The following CELF2 variants were observed in gnomAD, a reference collection of about 807,000 sequenced individuals.
CELF2 encodes the protein CUGBP Elav-like family member 2, also known as CUG triplet repeat RNA-binding protein 2.
A neutral mutation model predicts 62.6 loss-of-function variants in CELF2; 8 were observed. The ratio of observed to expected loss-of-function variants is 0.13; its 90% CI spans 0.07 to 0.23. The LOEUF is 0.23. Among genes scored for constraint, CELF2 ranks in the 10% least tolerant of loss-of-function variants. The pLI is 1.00. For missense variants in CELF2, 333 were observed against 671.0 expected (o/e 0.50, Z 5.56); for synonymous variants, 258 against 250.0 (o/e 1.03, Z -0.30).
At position 11,115,106 on chromosome 10, in the gene CELF2, A is replaced by C. The variant is rs930305622; in HGVS notation, c.75-50380A>C. ...AATGTGTGGGGATCTACTTGTTGCA[A>C]ATGGTCCAGGATGCAGATTAATATG... On this transcript the variant is annotated intron_variant, in intron 1 of 12. Transcript: ENST00000633077. Among the ~76,000 whole-genome samples the C allele has an allele frequency of 1.6e-4, 24 of 152,246 alleles. 1 individual carries two copies. Among genetic ancestry groups the C allele is most frequent in the South Asian group, 1.0e-3 (5 of 4,836 alleles).
chr10:11,114,024 A>G (rs577743668), intron 1 of CELF2, among the ~76,000 whole-genome samples: 45 of 152,186 alleles, frequency 3.0e-4, no homozygotes, highest in Admixed American at 6.5e-4. Flanking sequence ...TAAAGTAGTA[A>G]TTGGGCAAAA....
chr10:10,661,016 AT>A, the CELF2 span, among the ~76,000 whole-genome samples: 7 of 151,726 alleles, frequency 4.6e-5, no homozygotes, highest in East Asian at 1.9e-4. Context: ...TCAGAAAAAG[AT>A]TTTTTTTTAC....
intron 1 of CELF2, among the ~76,000 whole-genome samples, chr10:11,129,361 A>C (rs1035594161): frequency 2.0e-5 from 3 of 152,156 alleles, no homozygotes; most frequent in African/African-American, 7.2e-5. Flanking sequence ...TGTCTCTGCC[A>C]GGCTTTGGTA....
the CELF2 span, among the ~76,000 whole-genome samples, chr10:10,520,987 G>A: frequency 6.6e-6 from 1 of 152,124 alleles, no homozygotes. Context: ...ACAGTGCTAT[G>A]GTAACCAAAC....
intron 1 of CELF2, among the ~76,000 whole-genome samples, chr10:11,112,254 A>G (rs1416690488): frequency 3.3e-5 from 5 of 152,180 alleles, no homozygotes; most frequent in African/African-American, 1.2e-4. Context: ...CCACCTTGGG[A>G]ATAATGAGCT....
At chr10:10,606,066 C>T in the CELF2 span, among the ~76,000 whole-genome samples, 7 of 152,176 alleles carry the variant, frequency 4.6e-5, no homozygotes, top group African/African-American at 1.7e-4. Context: ...GTGTTCCTCC[C>T]CATTCCTTTC....
chr10:10,591,521 C>T, the CELF2 span, among the ~76,000 whole-genome samples: 14 of 151,528 alleles, frequency 9.2e-5, no homozygotes, highest in South Asian at 1.9e-3. Flanking sequence ...TTAAAGGTAA[C>T]GTTTATTCTT....
chr10:10,686,328 G>T, the CELF2 span, among the ~76,000 whole-genome samples: 2 of 139,444 alleles, frequency 1.4e-5, no homozygotes, highest in Non-Finnish European at 3.1e-5. Context: ...GGGGTGGGGT[G>T]GGTTTTTGTT....
the CELF2 span, among the ~76,000 whole-genome samples, chr10:10,654,079 A>G: frequency 1.3e-5 from 2 of 148,522 alleles, no homozygotes; most frequent in Non-Finnish European, 3.0e-5. Context: ...ATCAGAGAAT[A>G]CTACAAACAC....
intron 3 of CELF2, among the ~76,000 whole-genome samples, chr10:11,235,957 A>G (rs1182857789): frequency 1.3e-5 from 2 of 152,208 alleles, no homozygotes; most frequent in African/African-American, 4.8e-5. Flanking sequence ...AGGTAAATGA[A>G]TGGAAAAAGA....
At chr10:10,486,623 A>AAAATCTG in the CELF2 span, among the ~76,000 whole-genome samples, 1 of 152,138 alleles carries the variant, frequency 6.6e-6, no homozygotes, top group Non-Finnish European at 1.5e-5. Flanking sequence ...TCCAAACCTG[A>AAAATCTG]AAATCTGAAA....
intron 1 of CELF2, among the ~76,000 whole-genome samples, chr10:11,146,639 C>T (rs1039244144): frequency 6.6e-6 from 1 of 152,208 alleles, no homozygotes; most frequent in South Asian, 2.1e-4. Context: ...GCCACACGCT[C>T]ATGTGCTCTG....
the CELF2 span, among the ~76,000 whole-genome samples, chr10:10,654,958 A>G: frequency 1.3e-4 from 19 of 143,718 alleles, 1 homozygote; most frequent in African/African-American, 4.4e-4. Flanking sequence ...ATGATTGTAT[A>G]TCTAGAAAAC....
chr10:10,478,669 T>C, the CELF2 span, among the ~76,000 whole-genome samples: 1 of 152,182 alleles, frequency 6.6e-6, no homozygotes, highest in African/African-American at 2.4e-5. Flanking sequence ...TAAATCAGAA[T>C]GACAGATGAA....
chr10:11,240,096 A>G (rs558332842), intron 3 of CELF2, among the ~76,000 whole-genome samples: 1 of 152,312 alleles, frequency 6.6e-6, no homozygotes, highest in Non-Finnish European at 1.5e-5. Context: ...CGTGATATGT[A>G]AAAGAACAAC....
At chr10:10,661,551 A>T in the CELF2 span, among the ~76,000 whole-genome samples, 1 of 152,218 alleles carries the variant, frequency 6.6e-6, no homozygotes, top group African/African-American at 2.4e-5. Flanking sequence ...CTAGGAGTGG[A>T]ATTGCTGGCA....
chr10:11,084,477 C>T (rs946378885), intron 1 of CELF2, among the ~76,000 whole-genome samples: 1 of 152,122 alleles, frequency 6.6e-6, no homozygotes, highest in African/African-American at 2.4e-5. Flanking sequence ...TGGTGAATGT[C>T]ATTTGGAAAG....
In CELF2 at chr10:11,086,371, C is replaced by T. The variant is rs2046727776; in HGVS notation, c.74+68208C>T. Among the ~76,000 whole-genome samples, 3 of 152,014 alleles carry T rather than the reference C, an allele frequency of 2.0e-5. No individual in the cohort carries two copies. In the South Asian group the frequency reaches 6.2e-4, roughly 31 times the overall value. ...AAAGTGAGCTGCGTCTTTGTGTCTG[C>T]TCCCTGCACTGCAGAGGGTGTGAGC... is the stretch of plus-strand genomic sequence containing the variant. On this transcript the variant is annotated intron_variant, in intron 1 of 12. Coordinates refer to ENST00000633077, the MANE Select transcript of CELF2 (RefSeq NM_001326342.2).
At chr10:11,252,625 C>T (rs1195388609) in intron 4 of CELF2, among the ~76,000 whole-genome samples, 3 of 152,222 alleles carry the variant, frequency 2.0e-5, no homozygotes, top group Non-Finnish European at 4.4e-5. Context: ...TGGGATGTCA[C>T]TGAGCAGACT....
Sources: allele counts gnomAD v4.1 joint callset (sites outside exome capture counted in the v4.1 genomes callset), GRCh38; gene constraint gnomAD v4.1.1; transcripts MANE v1.5; gene names NCBI Gene and HGNC (gene_info 2026-07-23, HGNC 2026-07-21).